The following FAM210A variants were observed in gnomAD, a reference collection of about 807,000 sequenced individuals.
FAM210A encodes family with sequence similarity 210 member A.
In FAM210A, 13 loss-of-function variants were observed where a neutral mutation model predicts 25.3. The ratio of observed to expected loss-of-function variants is 0.51; its 90% confidence interval spans 0.33 to 0.82. The LOEUF (loss-of-function observed/expected upper bound fraction) is 0.82. FAM210A is among the 40% of genes least tolerant of loss of function. The probability of loss-of-function intolerance (pLI) is 0.02; values close to 1 mark genes in which losing one functional copy is unlikely to be tolerated. For synonymous variants in FAM210A, 125 were observed against 118.7 expected, an observed-to-expected ratio of 1.05 and a Z score of -0.35; for missense variants, 319 against 323.2, an observed-to-expected ratio of 0.99 and a Z score of 0.10.
chr18:13,672,058 A>G (rs183840049), intron 2 of FAM210A, 85 bp from the exon 3 acceptor site: 2 of 919,698 alleles, frequency 2.2e-6, no homozygotes, highest in East Asian at 2.7e-5. Flanking sequence ...AAACCACACT[A>G]TAATTTTATT....
intron 2 of FAM210A, among the ~76,000 whole-genome samples, chr18:13,674,177 C>T (rs1360630277): frequency 6.7e-6 from 1 of 148,954 alleles, no homozygotes; most frequent in Non-Finnish European, 1.5e-5. Flanking sequence ...CATTCCTGAG[C>T]CCTGGCTTCT....
intron 1 of FAM210A, among the ~76,000 whole-genome samples, chr18:13,717,271 G>C (rs1356668245): frequency 6.6e-6 from 1 of 152,278 alleles, no homozygotes. Flanking sequence ...ATTAGTGCCC[G>C]AGATTAGTGC....
intron 1 of FAM210A, among the ~76,000 whole-genome samples, chr18:13,685,876 A>C (rs997438389): frequency 6.6e-6 from 1 of 152,212 alleles, no homozygotes; most frequent in African/African-American, 2.4e-5. Context: ...CACATATTAG[A>C]AAAGAAGTAA....
rs1442883548 is a variant in FAM210A, at chr18:13,664,170, T to TTAC, written c.*2307_*2309dup. Reference sequence around the variant, plus strand: ...GCTTCTCACATCTTCAGAGCATTTTTTACTAGAGAATTTCATATCATTCAA... The same window carrying TTAC: ...GCTTCTCACATCTTCAGAGCATTTTTTACTACTAGAGAATTTCATATCATTCAA... On this transcript the variant is annotated 3_prime_UTR_variant, in exon 4 of 4. Coordinates refer to ENST00000651643, the MANE Select transcript of FAM210A (RefSeq NM_152352.4). The TTAC allele has an allele frequency of 6.6e-6, 1 of 152,326 alleles. No individual in the cohort carries two copies. The highest frequency in any genetic ancestry group is 1.5e-5 in the Non-Finnish European group (1 of 68,016). The allele number at this position is 152,326 out of a possible 1,614,324, so 9.4% of individuals were successfully genotyped here.
At chr18:13,720,873 T>A (rs1180095401) in intron 1 of FAM210A, among the ~76,000 whole-genome samples, 1 of 152,112 alleles carries the variant, frequency 6.6e-6, no homozygotes, top group Non-Finnish European at 1.5e-5. Context: ...TTGCTCCTGA[T>A]GGTTTGCTGG....
chr18:13,707,434 G>A (rs2043787278), intron 1 of FAM210A, among the ~76,000 whole-genome samples: 1 of 152,196 alleles, frequency 6.6e-6, no homozygotes, highest in African/African-American at 2.4e-5. Flanking sequence ...CCTATAAACA[G>A]GACATTCTGG....
At position 13,682,109 on chromosome 18, in the gene FAM210A, CAA is replaced by C. The variant is rs1411970066; in HGVS notation, c.-28-6_-28-5del. The C allele has an allele frequency of 6.6e-7, 1 of 1,516,302 alleles. No individual in the cohort carries two copies. The highest frequency in any genetic ancestry group is 2.3e-5 in the Admixed American group (1 of 43,340). The allele number at this position is 1,516,302 out of a possible 1,614,324, so 93.9% of individuals were successfully genotyped here. ...GAGTGTTGATAGGTTTCAGCTTCTA[CAA>C]AGACAATTTTTCAAAAAAATTAGGT... On this transcript the variant is annotated splice_polypyrimidine_tract_variant and splice_region_variant and intron_variant, in intron 1 of 3. Transcript: ENST00000651643.
At chr18:13,724,634 T>G (rs867108170) in intron 1 of FAM210A, among the ~76,000 whole-genome samples, 2 of 152,244 alleles carry the variant, frequency 1.3e-5, no homozygotes, top group African/African-American at 4.8e-5. Flanking sequence ...TCAAGAATCC[T>G]TCCCCTCTAT....
intron 1 of FAM210A, among the ~76,000 whole-genome samples, chr18:13,715,618 A>G (rs564602143): frequency 1.3e-5 from 2 of 152,350 alleles, no homozygotes; most frequent in Admixed American, 6.5e-5. Context: ...AGTTGTTCAC[A>G]TTACAACATT....
At chr18:13,672,611 T>C (rs531730498) in intron 2 of FAM210A, among the ~76,000 whole-genome samples, 4 of 152,328 alleles carry the variant, frequency 2.6e-5, no homozygotes, top group East Asian at 3.9e-4. Context: ...GGCTTCATCA[T>C]GTAGGCCAGG....
At chr18:13,725,088 A>T (rs1203100904) in intron 1 of FAM210A, among the ~76,000 whole-genome samples, 1 of 152,234 alleles carries the variant, frequency 6.6e-6, no homozygotes, top group Non-Finnish European at 1.5e-5. Context: ...ACATTAAAAC[A>T]TGTTTTTAAA....
Position 13,665,704 on chromosome 18 carries a change from T to C in FAM210A, c.*776A>G, listed in dbSNP as rs1382397178. ...ATGAATTTAAGGTTTAATGATTTTTTACCTTTCCTCTGAAAGACAGTTGAA... is the reference window on the plus strand; with the variant it reads ...ATGAATTTAAGGTTTAATGATTTTTCACCTTTCCTCTGAAAGACAGTTGAA... On this transcript the variant is annotated 3_prime_UTR_variant, in exon 4 of 4. Transcript: ENST00000651643. 6.6e-6 allele frequency: 1 copy of C among 152,032 alleles called. No individual in the cohort carries two copies. Among genetic ancestry groups the C allele is most frequent in the Non-Finnish European group, 1.5e-5 (1 of 68,016 alleles). 9.4% of individuals were successfully genotyped at this position (152,032 alleles called of 1,614,324 possible).
intron 2 of FAM210A, among the ~76,000 whole-genome samples, chr18:13,679,832 G>A (rs560611513): frequency 1.3e-5 from 2 of 152,300 alleles, no homozygotes. Flanking sequence ...ATCACCCACA[G>A]CTGCTTCAGA....
intron 3 of FAM210A, among the ~76,000 whole-genome samples, chr18:13,669,779 A>G (rs1296165617): frequency 6.6e-6 from 1 of 152,214 alleles, no homozygotes; most frequent in Non-Finnish European, 1.5e-5. Context: ...CACACAGCAG[A>G]GGATGACTAA....
chr18:13,695,415 G>GT (rs2043683758), intron 1 of FAM210A, among the ~76,000 whole-genome samples: 1 of 152,166 alleles, frequency 6.6e-6, no homozygotes, highest in Non-Finnish European at 1.5e-5. Flanking sequence ...ACATGCACAC[G>GT]TATGTTTATT....
chr18:13,671,977 C>CAAA lies in FAM210A; in HGVS notation c.474-7_474-5dup, dbSNP rs369611940. On this transcript the variant is annotated splice_polypyrimidine_tract_variant and splice_region_variant and intron_variant, in intron 2 of 3. Transcript: ENST00000651643. ...AAAAGGAACGACATTCACTCCTCTA[C>CAAA]AAAAAAAAAAAAGTAATTTTCATAT... 24 of 1,251,120 alleles carry CAAA rather than the reference C, an allele frequency of 1.9e-5. No homozygotes were observed. The highest frequency in any genetic ancestry group is 2.9e-5 in the South Asian group (2 of 69,030). 77.5% of individuals were successfully genotyped at this position (1,251,120 alleles called of 1,614,324 possible). A position where few individuals can be genotyped will look rare whatever the true frequency, so the allele number is the denominator to read the frequency against.
chr18:13,721,942 C>T (rs375167866), intron 1 of FAM210A, among the ~76,000 whole-genome samples: 185 of 152,236 alleles, frequency 1.2e-3, no homozygotes, highest in Non-Finnish European at 2.2e-3. Context: ...AAAAAATTAA[C>T]GGTATAAATT....
chr18:13,681,900 C>T lies in FAM210A; in HGVS notation c.178G>A (p.Ala60Thr), dbSNP rs143865357. 1.2e-6 allele frequency: 2 copies of T among 1,614,180 alleles called. No homozygotes were observed. The highest frequency in any genetic ancestry group is 1.7e-6 in the Non-Finnish European group (2 of 1,180,034). Residue 60 changes from alanine to threonine, a missense_variant, in exon 2 of 4, where the codon GCT becomes ACT. By Grantham distance (58) the Ala-to-Thr change is moderately conservative. Coordinates refer to ENST00000651643, the MANE Select transcript of FAM210A (RefSeq NM_152352.4). ...GPQKQWLHLS[A>T]AQCVAKERRP... is the part of the protein sequence containing the mutation. ...CTTTCCTTTGCAACACACTGGGCAG[C>T]AGATAAATGCAACCATTGTTTTTGA...
intron 1 of FAM210A, among the ~76,000 whole-genome samples, chr18:13,701,117 A>C (rs542399771): frequency 3.3e-5 from 5 of 150,988 alleles, no homozygotes; most frequent in African/African-American, 4.8e-5. Flanking sequence ...GGGATCTGAA[A>C]TAGAGCTTCT....
Sources: allele counts gnomAD v4.1 joint callset (sites outside exome capture counted in the v4.1 genomes callset), GRCh38; gene constraint gnomAD v4.1.1; transcripts MANE v1.5; gene names NCBI Gene and HGNC (gene_info 2026-07-23, HGNC 2026-07-21).